The following AGPAT3 variants were observed in gnomAD, a reference collection of about 807,000 sequenced individuals.
The protein encoded by AGPAT3 is 1-acyl-sn-glycerol-3-phosphate acyltransferase gamma.
AGPAT3 carries 5 observed loss-of-function variants against 47.3 expected under a neutral mutation model. That is an observed-to-expected ratio of 0.11 (90% CI 0.06 to 0.22). The LOEUF (loss-of-function observed/expected upper bound fraction) is 0.22. AGPAT3 is among the 10% of genes least tolerant of loss of function. AGPAT3 has a pLI of 1.00. For synonymous variants in AGPAT3, 212 were observed against 208.3 expected (o/e 1.02, Z -0.15); for missense variants, 315 against 493.0 (o/e 0.64, Z 3.42).
intron 8 of AGPAT3, among the ~76,000 whole-genome samples, chr21:43,980,277 A>G (rs954260459): frequency 7.1e-6 from 1 of 141,424 alleles, no homozygotes; most frequent in Non-Finnish European, 1.5e-5. Context: ...CTCCATCTCA[A>G]AAAAAAAAAA....
At chr21:43,960,642 C>T (rs1484583399) in intron 3 of AGPAT3, 1 of 594,544 alleles carries the variant, frequency 1.7e-6, no homozygotes, top group East Asian at 1.4e-4. Flanking sequence ...TAGCACAAAA[C>T]TAGAAGCAAC....
intron 2 of AGPAT3, among the ~76,000 whole-genome samples, chr21:43,912,212 G>A (rs2146101453): frequency 6.6e-6 from 1 of 152,388 alleles, no homozygotes; most frequent in African/African-American, 2.4e-5. Flanking sequence ...TGTGCCTTCA[G>A]TCCAGCCTGC....
chr21:43,869,464 G>C (rs1294893355), intron 1 of AGPAT3, among the ~76,000 whole-genome samples: 1 of 152,242 alleles, frequency 6.6e-6, no homozygotes, highest in Non-Finnish European at 1.5e-5. Context: ...ATAGACAGAA[G>C]TCAGATTGTT....
chr21:43,930,264 A>C lies in AGPAT3; in HGVS notation c.-49+26245A>C, dbSNP rs2087195565. Among the ~76,000 whole-genome samples the C allele has an allele frequency of 6.6e-6, 1 of 152,088 alleles. No homozygotes were observed. The highest frequency in any genetic ancestry group is 6.5e-5 in the Admixed American group (1 of 15,280). ...GGGCAGAGACGCCGCACGGTGGGGT[A>C]GGGGGCTCTGGTGCCAATACCAATG... On this transcript the variant is annotated intron_variant, in intron 2 of 9. Transcript: ENST00000291572. The surrounding 1 kb of genome is among the most constrained non-coding windows in gnomAD (Gnocchi z 5.0).
Position 43,983,871 on chromosome 21 carries a change from G to C in AGPAT3, c.*1479G>C, listed in dbSNP as rs1270284972. 3 of 152,284 alleles carry C rather than the reference G, an allele frequency of 2.0e-5. No individual in the cohort carries two copies. The highest frequency in any genetic ancestry group is 4.4e-5 in the Non-Finnish European group (3 of 68,058). 9.4% of individuals were successfully genotyped at this position (152,284 alleles called of 1,614,324 possible). On this transcript the variant is annotated 3_prime_UTR_variant, in exon 10 of 10. Coordinates refer to ENST00000291572, the MANE Select transcript of AGPAT3 (RefSeq NM_020132.5). ...TCTTGAAACCAGCGTTCTGAATAGA[G>C]GTAGGTTGAGTTTTCTAGGGGAAAA...
rs768959518 is a variant in AGPAT3, at chr21:43,981,052, C to T, written c.907C>T (p.Arg303Trp). The T allele has an allele frequency of 6.2e-6, 10 of 1,614,138 alleles. No homozygotes were observed. The highest frequency in any genetic ancestry group is 1.7e-5 in the Admixed American group (1 of 60,018). The part of the protein sequence containing the change: ...MFPGEQFKPA[R>W]RPWTLLNFLS... ...TCCAGGGGAGCAGTTTAAGCCTGCCCGGAGGCCGTGGACCCTCCTGAACTT... is the reference window on the plus strand; with the variant it reads ...TCCAGGGGAGCAGTTTAAGCCTGCCTGGAGGCCGTGGACCCTCCTGAACTT... Residue 303 changes from arginine to tryptophan, a missense_variant, in exon 9 of 10, where the codon CGG (arginine) becomes TGG (tryptophan). By Grantham distance (101) the Arg-to-Trp change is moderately radical. Transcript: ENST00000291572. The surrounding 1 kb of genome is among the most constrained non-coding windows in gnomAD (Gnocchi z 5.3).
Position 43,982,765 on chromosome 21 carries a change from C to G in AGPAT3, c.*373C>G, listed in dbSNP as rs1244091160. The G allele has an allele frequency of 5.6e-6, 1 of 179,414 alleles. No individual in the cohort carries two copies. The highest frequency in any genetic ancestry group is 2.4e-5 in the African/African-American group (1 of 41,684). 11.1% of individuals were successfully genotyped at this position (179,414 alleles called of 1,614,324 possible). The stretch of plus-strand genomic sequence containing the variant: ...TTATCTTGGGAACTTAACCTGGCCC[C>G]TCACCTCTTCTGCACCCCCCGCCCC... On this transcript the variant is annotated 3_prime_UTR_variant, in exon 10 of 10. Coordinates refer to ENST00000291572, the MANE Select transcript of AGPAT3 (RefSeq NM_020132.5). This position sits in a 1 kb window ranked among gnomAD's most constrained non-coding sequence, Gnocchi z 6.2.
At chr21:43,927,671 C>A (rs1335866966) in intron 2 of AGPAT3, among the ~76,000 whole-genome samples, 2 of 152,214 alleles carry the variant, frequency 1.3e-5, no homozygotes, top group Non-Finnish European at 2.9e-5. Flanking sequence ...TGGCTCCTAT[C>A]TGTGGGAGCA....
At position 43,904,024 on chromosome 21, in the gene AGPAT3, G is replaced by A. The variant is rs934235987; in HGVS notation, c.-49+5G>A. ...CTCTGCTGACCTTGTGCCTTGGTAA[G>A]TGGGCAGTGAGGCCGCCTGACGCAG... On this transcript the variant is annotated splice_donor_5th_base_variant and intron_variant, in intron 2 of 9. Transcript: ENST00000291572. The A allele has an allele frequency of 1.3e-5, 2 of 152,726 alleles. No individual in the cohort carries two copies. Among genetic ancestry groups the A allele is most frequent in the Non-Finnish European group, 2.9e-5 (2 of 68,332 alleles). 9.5% of individuals were successfully genotyped at this position (152,726 alleles called of 1,614,324 possible). A position where few individuals can be genotyped will look rare whatever the true frequency, so the allele number is the denominator to read the frequency against.
intron 2 of AGPAT3, among the ~76,000 whole-genome samples, chr21:43,938,205 T>A (rs1337510952): frequency 6.6e-6 from 1 of 152,094 alleles, no homozygotes; most frequent in African/African-American, 2.4e-5. Flanking sequence ...GGTTCCATGA[T>A]GTGCATGTTA....
intron 2 of AGPAT3, among the ~76,000 whole-genome samples, chr21:43,942,362 G>A (rs982769525): frequency 6.6e-6 from 1 of 152,192 alleles, no homozygotes; most frequent in African/African-American, 2.4e-5. Context: ...CAGGAAGGCG[G>A]GCTGGCCACT....
At chr21:43,871,310 T>C (rs2085619559) in intron 1 of AGPAT3, among the ~76,000 whole-genome samples, 2 of 152,214 alleles carry the variant, frequency 1.3e-5, no homozygotes, top group Non-Finnish European at 2.9e-5. Context: ...TCTCTGATGA[T>C]GCTTAGAGGA....
chr21:43,976,457 C>T (rs2089627017), intron 7 of AGPAT3, among the ~76,000 whole-genome samples: 1 of 152,216 alleles, frequency 6.6e-6, no homozygotes, highest in South Asian at 2.1e-4. Context: ...CCCTCGGCTT[C>T]CCGAAGTGCT....
In AGPAT3 at chr21:43,981,560, T is replaced by C; in HGVS notation, c.1042+373T>C. The C allele has an allele frequency of 3.0e-6, 1 of 329,224 alleles. No individual in the cohort carries two copies. 20.4% of individuals were successfully genotyped at this position (329,224 alleles called of 1,614,324 possible). A position where few individuals can be genotyped will look rare whatever the true frequency, so the allele number is the denominator to read the frequency against. On this transcript the variant is annotated intron_variant, in intron 9 of 9. Coordinates refer to ENST00000291572, the MANE Select transcript of AGPAT3 (RefSeq NM_020132.5). This position sits in a 1 kb window ranked among gnomAD's most constrained non-coding sequence, Gnocchi z 5.3. ...GGGAGGTTTAAGCAGGACATCATCA[T>C]TCAGCTCCTCCCCATTGACCCCCAG...
At chr21:43,878,144 C>A in intron 1 of AGPAT3, among the ~76,000 whole-genome samples, 1 of 152,164 alleles carries the variant, frequency 6.6e-6, no homozygotes. Context: ...ATGTCAGTGT[C>A]CCCCGACCTC....
At chr21:43,885,972 G>A (rs954271731) in intron 1 of AGPAT3, among the ~76,000 whole-genome samples, 4 of 152,226 alleles carry the variant, frequency 2.6e-5, no homozygotes, top group Admixed American at 6.5e-5. Context: ...AAGGTTGCCC[G>A]GTCAGGGGCT....
intron 1 of AGPAT3, among the ~76,000 whole-genome samples, chr21:43,899,700 G>T (rs2086308386): frequency 6.6e-6 from 1 of 152,170 alleles, no homozygotes; most frequent in Admixed American, 6.5e-5. Context: ...CACCGCTGAG[G>T]ATCACTGGTC....
chr21:43,873,699 C>G (rs2085673882), intron 1 of AGPAT3, among the ~76,000 whole-genome samples: 1 of 152,188 alleles, frequency 6.6e-6, no homozygotes, highest in Admixed American at 6.5e-5. Flanking sequence ...TTTCTTGATA[C>G]AAAGGTCAGA....
At position 43,987,257 on chromosome 21, in the gene AGPAT3, C is replaced by T. The variant is rs578056665; in HGVS notation, c.*4865C>T. On this transcript the variant is annotated 3_prime_UTR_variant, in exon 10 of 10. Transcript: ENST00000291572. ...CACCCACCTTCAGAGCCCACTCCCA[C>T]GGGCTCTGTTTCCTTGGAGGCCATC... Among the ~76,000 whole-genome samples, 3 of 152,340 alleles carry T rather than the reference C, an allele frequency of 2.0e-5. No homozygotes were observed. The highest frequency in any genetic ancestry group is 2.1e-4 in the South Asian group (1 of 4,826).
Sources: gnomAD v4.1 joint callset for allele counts (sites outside exome capture counted in the v4.1 genomes callset) on GRCh38, gnomAD v4.1.1 for gene constraint, Gnocchi (gnomAD v3.1) non-coding constraint, MANE v1.5 for transcripts, NCBI Gene and HGNC (gene_info 2026-07-23, HGNC 2026-07-21) for gene names.